Variants in PTPRG observed in about 807,000 individuals in gnomAD.
PTPRG encodes protein tyrosine phosphatase receptor type G.
A neutral mutation model predicts 165.3 loss-of-function variants in PTPRG; 102 were observed. That is an observed-to-expected ratio of 0.62 (90% CI 0.53 to 0.73). The LOEUF (loss-of-function observed/expected upper bound fraction) is 0.73, where lower values mean the gene tolerates loss of function less well. Among genes scored for constraint, PTPRG ranks in the 30% least tolerant of loss-of-function variants. The pLI, the probability that PTPRG is intolerant of heterozygous loss-of-function variation, is 0.00. For synonymous variants in PTPRG, 675 were observed against 669.5 expected (o/e 1.01, Z -0.13); for missense variants, 1,866 against 1,861.4 (o/e 1.00, Z -0.05).
intron 1 of PTPRG, among the ~76,000 whole-genome samples, chr3:61,585,490 A>G (rs1380443776): frequency 6.6e-6 from 1 of 151,346 alleles, no homozygotes; most frequent in Non-Finnish European, 1.5e-5. Context: ...TCCCACCTAA[A>G]TCCCAGCACT....
chr3:61,839,868 T>C (rs2036574261), intron 2 of PTPRG, among the ~76,000 whole-genome samples: 1 of 152,208 alleles, frequency 6.6e-6, no homozygotes, highest in Non-Finnish European at 1.5e-5. Context: ...TTTGTCGTTA[T>C]AAAGCTCACA....
chr3:61,988,828 T>C (rs2040822274), intron 2 of PTPRG, among the ~76,000 whole-genome samples: 1 of 152,214 alleles, frequency 6.6e-6, no homozygotes, highest in Admixed American at 6.5e-5. Context: ...TCCCATAATA[T>C]TTCATTTCCA....
In PTPRG at chr3:61,969,775, G is replaced by A. The variant is rs188997112; in HGVS notation, c.191-19850G>A. 2.8e-4 allele frequency among the ~76,000 whole-genome samples: 43 copies of A among 152,220 alleles called. No homozygotes were observed. The East Asian group carries it at 7.5e-3, about 27-fold the overall frequency. ...GTCCAACCTGGGGAGCGAATCACCCGGCCCAGCATCCCTCAAGACATGATA... is the reference window on the plus strand; with the variant it reads ...GTCCAACCTGGGGAGCGAATCACCCAGCCCAGCATCCCTCAAGACATGATA... On this transcript the variant is annotated intron_variant, in intron 2 of 29. Coordinates refer to ENST00000474889, the MANE Select transcript of PTPRG (RefSeq NM_002841.4).
rs141096498 is a variant in PTPRG at position 62,059,554 on chromosome 3, T to C, written c.520-18609T>C. On this transcript the variant is annotated intron_variant, in intron 4 of 29. Coordinates refer to ENST00000474889, the MANE Select transcript of PTPRG (RefSeq NM_002841.4). Reference sequence around the variant, plus strand: ...ACCAACTGCTGTTGAAAGTCAGGAGTTGGCTGGGCACAGTGGCTCACGCCT... The same window carrying C: ...ACCAACTGCTGTTGAAAGTCAGGAGCTGGCTGGGCACAGTGGCTCACGCCT... Among the ~76,000 whole-genome samples the C allele has an allele frequency of 6.3e-3, 966 of 152,238 alleles. 9 individuals are homozygous for C. The highest frequency in any genetic ancestry group is 0.022 in the African/African-American group (911 of 41,564).
chr3:61,878,271 C>T (rs968149129), intron 2 of PTPRG, among the ~76,000 whole-genome samples: 1 of 152,186 alleles, frequency 6.6e-6, no homozygotes, highest in African/African-American at 2.4e-5. Flanking sequence ...GCTGTGCCTT[C>T]CCCACACAAT....
intron 2 of PTPRG, among the ~76,000 whole-genome samples, chr3:61,881,425 G>A (rs919403203): frequency 1.3e-5 from 2 of 152,136 alleles, no homozygotes; most frequent in Non-Finnish European, 2.9e-5. Context: ...TGAGTCAGAC[G>A]ACTGTGAGTT....
At chr3:62,176,009 C>T (rs1705408756) in intron 8 of PTPRG, among the ~76,000 whole-genome samples, 1 of 152,212 alleles carries the variant, frequency 6.6e-6, no homozygotes, top group Non-Finnish European at 1.5e-5. Context: ...TTAAGATCTT[C>T]TAGCAGTGGG....
rs528061497 is a variant in PTPRG at position 61,994,898 on chromosome 3, A to G, written c.370+5094A>G. On this transcript the variant is annotated intron_variant, in intron 3 of 29. Coordinates refer to ENST00000474889, the MANE Select transcript of PTPRG (RefSeq NM_002841.4). ...TCCCCAAGGTCAAGCAAGTATCTGG[A>G]GTTGAAAGATACTCTTTGCCCTGTT... is the stretch of plus-strand genomic sequence containing the variant. Among the ~76,000 whole-genome samples the G allele has an allele frequency of 1.7e-4, 26 of 152,118 alleles. 1 individual carries two copies. Among genetic ancestry groups the G allele is most frequent in the African/African-American group, 6.3e-4 (26 of 41,502 alleles).
At chr3:61,679,169 T>TA (rs904226925) in intron 1 of PTPRG, among the ~76,000 whole-genome samples, 6 of 152,172 alleles carry the variant, frequency 3.9e-5, no homozygotes, top group African/African-American at 1.4e-4. Flanking sequence ...TCCCAAATGA[T>TA]ACATTAATTG....
At chr3:61,856,247 C>A (rs2037102671) in intron 2 of PTPRG, among the ~76,000 whole-genome samples, 1 of 151,984 alleles carries the variant, frequency 6.6e-6, no homozygotes, top group African/African-American at 2.4e-5. Flanking sequence ...TTATCTAGTT[C>A]CAGAACATTT....
intron 2 of PTPRG, among the ~76,000 whole-genome samples, chr3:61,885,992 A>C (rs2038026220): frequency 6.6e-6 from 1 of 151,748 alleles, no homozygotes; most frequent in South Asian, 2.1e-4. Flanking sequence ...GATGGAAGAC[A>C]CCACATGCAC....
At chr3:61,933,864 G>C (rs1452449911) in intron 2 of PTPRG, among the ~76,000 whole-genome samples, 1 of 152,162 alleles carries the variant, frequency 6.6e-6, no homozygotes, top group Non-Finnish European at 1.5e-5. Context: ...GTAATCAGTA[G>C]ATCAGCTAGT....
intron 2 of PTPRG, among the ~76,000 whole-genome samples, chr3:61,881,762 C>A: frequency 6.6e-6 from 1 of 152,196 alleles, no homozygotes; most frequent in East Asian, 1.9e-4. Context: ...CTCTTGGCTT[C>A]CTTTTCATTG....
intron 4 of PTPRG, among the ~76,000 whole-genome samples, chr3:62,029,901 C>G (rs1179495579): frequency 6.6e-6 from 1 of 152,206 alleles, no homozygotes; most frequent in Admixed American, 6.5e-5. Context: ...CACCTTCCAC[C>G]TGTCACAAGA....
chr3:62,251,803 G>C (rs984780122), intron 15 of PTPRG, among the ~76,000 whole-genome samples: 1 of 152,114 alleles, frequency 6.6e-6, no homozygotes, highest in African/African-American at 2.4e-5. Flanking sequence ...GGGTTCAATG[G>C]ACCTGGGTTC....
intron 8 of PTPRG, among the ~76,000 whole-genome samples, chr3:62,178,832 A>G (rs1705538447): frequency 6.6e-6 from 1 of 152,196 alleles, no homozygotes; most frequent in African/African-American, 2.4e-5. Flanking sequence ...CACTAGAAAA[A>G]TCTTCTCTGA....
At chr3:61,640,390 G>A (rs1395055727) in intron 1 of PTPRG, among the ~76,000 whole-genome samples, 3 of 152,174 alleles carry the variant, frequency 2.0e-5, no homozygotes, top group Admixed American at 2.0e-4. Context: ...TTTCTCTCCA[G>A]TGTATATGTG....
chr3:61,810,991 G>T lies in PTPRG; in HGVS notation c.190+62009G>T, dbSNP rs76870785. On this transcript the variant is annotated intron_variant, in intron 2 of 29. Coordinates refer to ENST00000474889, the MANE Select transcript of PTPRG (RefSeq NM_002841.4). ...TGCAAGGCTGTCACCAGGAGGGCAG[G>T]TTAGGGTGAATGTGGCAGCCCAGGT... 8.3e-3 allele frequency among the ~76,000 whole-genome samples: 1,270 copies of T among 152,284 alleles called. 22 individuals carry two copies. The highest frequency in any genetic ancestry group is 0.028 in the African/African-American group (1,176 of 41,558).
intron 7 of PTPRG, among the ~76,000 whole-genome samples, chr3:62,159,324 G>A (rs1403562085): frequency 2.0e-5 from 3 of 149,294 alleles, no homozygotes; most frequent in African/African-American, 4.9e-5. Context: ...GAGTGAGACT[G>A]TCTCAAAAAA....
Sources: gnomAD v4.1 joint callset for allele counts (sites outside exome capture counted in the v4.1 genomes callset) on GRCh38, gnomAD v4.1.1 for gene constraint, MANE v1.5 for transcripts, NCBI Gene and HGNC (gene_info 2026-07-23, HGNC 2026-07-21) for gene names.